Variants in PRKN observed in about 807,000 individuals in gnomAD.
The protein encoded by PRKN is parkin RBR E3 ubiquitin protein ligase, also known as E3 ubiquitin-protein ligase parkin.
A neutral mutation model predicts 59.5 loss-of-function variants in PRKN; 56 were observed. That is an observed-to-expected ratio of 0.94 (90% CI 0.76 to 1.18). The LOEUF (loss-of-function observed/expected upper bound fraction) is 1.18, where lower values mean the gene tolerates loss of function less well. PRKN is among the 50% of genes most tolerant of loss of function. The pLI, the probability that PRKN is intolerant of heterozygous loss-of-function variation, is 0.00. For synonymous variants in PRKN, 250 were observed against 222.1 expected (o/e 1.13, Z -1.12); for missense variants, 657 against 596.4 (o/e 1.10, Z -1.06).
chr6:162,388,650 C>T (rs1382804298), intron 2 of PRKN, among the ~76,000 whole-genome samples: 2 of 152,096 alleles, frequency 1.3e-5, no homozygotes, highest in Non-Finnish European at 2.9e-5. Flanking sequence ...GTCTTAACAA[C>T]ACTGCTGCCA....
In PRKN at chr6:162,594,604, T is replaced by C. The variant is rs117765240; in HGVS notation, c.7+133058A>G. 2.8e-3 allele frequency among the ~76,000 whole-genome samples: 431 copies of C among 152,316 alleles called. 2 individuals carry two copies. The highest frequency in any genetic ancestry group is 4.6e-3 in the Non-Finnish European group (310 of 68,036). ...TGACTTGCATGGTAACTGAATTACA[T>C]AGGCTAGTTTATTAGCTAGACCACT... On this transcript the variant is annotated intron_variant, in intron 1 of 11. Coordinates refer to ENST00000366898, the MANE Select transcript of PRKN (RefSeq NM_004562.3).
At chr6:161,895,574 A>G (rs12175647) in intron 6 of PRKN, among the ~76,000 whole-genome samples, 524 of 29,942 alleles carry the variant, frequency 0.018, 8 homozygotes, top group East Asian at 0.049. Flanking sequence ...CTGCCGTTAT[A>G]CACCCCAGTG....
chr6:162,593,669 G>C (rs1387316148), intron 1 of PRKN, among the ~76,000 whole-genome samples: 1 of 152,166 alleles, frequency 6.6e-6, no homozygotes, highest in Non-Finnish European at 1.5e-5. Context: ...CCAGGAGCCA[G>C]CGGGCCCAGA....
intron 4 of PRKN, among the ~76,000 whole-genome samples, chr6:162,174,821 T>C (rs1374278927): frequency 2.6e-5 from 4 of 152,208 alleles, no homozygotes; most frequent in African/African-American, 9.6e-5. Flanking sequence ...CAGAAAGTCA[T>C]TGTGTCCCTC....
chr6:161,675,342 G>A (rs1012814331), intron 7 of PRKN, among the ~76,000 whole-genome samples: 8 of 152,244 alleles, frequency 5.3e-5, no homozygotes, highest in African/African-American at 1.4e-4. Context: ...TGAGTGCCCA[G>A]TACTAGATCC....
In PRKN at chr6:161,550,724, TGTGTGTGTGTGCAC is replaced by T. The variant is rs1359491833; in HGVS notation, c.934-1735_934-1722del. On this transcript the variant is annotated intron_variant, in intron 8 of 11. Coordinates refer to ENST00000366898, the MANE Select transcript of PRKN (RefSeq NM_004562.3). The surrounding 1 kb of genome is among the most constrained non-coding windows in gnomAD (Gnocchi z 4.0). ...GACAACTGTGGTAGAAGAAAGGGTA[TGTGTGTGTGTGCAC>T]GTGTGTGTGTGTGTGTGTGTGTGTA... 1.1e-4 allele frequency among the ~76,000 whole-genome samples: 13 copies of T among 121,980 alleles called. No homozygotes were observed. Among genetic ancestry groups the T allele is most frequent in the Admixed American group, 1.0e-3 (13 of 12,780 alleles). The allele number at this position is 121,980 out of a possible 152,430, so 80.0% of individuals were successfully genotyped here.
intron 4 of PRKN, among the ~76,000 whole-genome samples, chr6:162,146,949 T>C (rs1179115680): frequency 6.6e-6 from 1 of 151,942 alleles, no homozygotes; most frequent in Non-Finnish European, 1.5e-5. Flanking sequence ...CAGGCTGGTT[T>C]CAAACTCCTG....
At chr6:161,666,419 C>T (rs1367210183) in intron 7 of PRKN, among the ~76,000 whole-genome samples, 2 of 152,194 alleles carry the variant, frequency 1.3e-5, no homozygotes. Context: ...GGAACAGTTT[C>T]ATCTGCAACC....
chr6:162,371,779 G>T (rs1357246181), intron 2 of PRKN, among the ~76,000 whole-genome samples: 9 of 152,106 alleles, frequency 5.9e-5, no homozygotes, highest in Non-Finnish European at 8.8e-5. Flanking sequence ...CCAACAAATT[G>T]GGTAATTGTA....
intron 11 of PRKN, among the ~76,000 whole-genome samples, chr6:161,358,715 C>T (rs1784859523): frequency 6.6e-6 from 1 of 151,982 alleles, no homozygotes; most frequent in Non-Finnish European, 1.5e-5. Flanking sequence ...CTTTCCCTCC[C>T]ACTTCCCAGT....
chr6:161,740,397 C>T (rs1788138659), intron 7 of PRKN, among the ~76,000 whole-genome samples: 1 of 152,190 alleles, frequency 6.6e-6, no homozygotes, highest in Admixed American at 6.5e-5. Context: ...CTCGTTACTG[C>T]TACTTGCCCT....
chr6:161,646,245 C>T (rs113839592), intron 7 of PRKN, among the ~76,000 whole-genome samples: 3 of 49,564 alleles, frequency 6.1e-5, no homozygotes, highest in Admixed American at 1.7e-4. Flanking sequence ...GCGTGCGTGG[C>T]GGAGGAGGTG....
chr6:162,268,614 T>C (rs1780238032), intron 2 of PRKN, among the ~76,000 whole-genome samples: 1 of 152,208 alleles, frequency 6.6e-6, no homozygotes, highest in Non-Finnish European at 1.5e-5. Flanking sequence ...TACAGATTAC[T>C]TATTGTGGTT....
chr6:161,753,198 G>T (rs1788766748), intron 7 of PRKN, among the ~76,000 whole-genome samples: 1 of 152,140 alleles, frequency 6.6e-6, no homozygotes, highest in Non-Finnish European at 1.5e-5. Context: ...TAATGCTGAT[G>T]AAGAGTTGCA....
intron 2 of PRKN, among the ~76,000 whole-genome samples, chr6:162,410,397 C>A (rs1788295163): frequency 6.6e-6 from 1 of 152,130 alleles, no homozygotes; most frequent in East Asian, 1.9e-4. Flanking sequence ...CACTGAAAAA[C>A]AGCTAACGAT....
In PRKN at chr6:161,769,228, G is replaced by A. The variant is rs1286881209; in HGVS notation, c.871+16544C>T. Among the ~76,000 whole-genome samples the A allele has an allele frequency of 3.3e-5, 5 of 152,134 alleles. 1 individual carries two copies. The highest frequency in any genetic ancestry group is 7.2e-5 in the African/African-American group (3 of 41,430). On this transcript the variant is annotated intron_variant, in intron 7 of 11. Transcript: ENST00000366898. ...GCTTCAGGTTTCCCGTGTGAGTCAC[G>A]CGTTTCTAGAATGCATTCTAAAACT...
At chr6:162,570,902 C>A (rs558426574) in intron 1 of PRKN, among the ~76,000 whole-genome samples, 2 of 152,236 alleles carry the variant, frequency 1.3e-5, no homozygotes, top group East Asian at 3.9e-4. Flanking sequence ...TCAATAATAA[C>A]TTAATTGTGT....
chr6:162,549,639 CTTTTT>C (rs10553695), intron 1 of PRKN, among the ~76,000 whole-genome samples: 10 of 122,572 alleles, frequency 8.2e-5, no homozygotes, highest in Admixed American at 8.5e-5. Flanking sequence ...ATGCGATAAT[CTTTTT>C]TTTTTTTTTT....
At chr6:161,858,633 C>A (rs866623274) in intron 6 of PRKN, among the ~76,000 whole-genome samples, 1 of 150,010 alleles carries the variant, frequency 6.7e-6, no homozygotes, top group Non-Finnish European at 1.5e-5. Context: ...ACTTTCTGTT[C>A]CAGAGTGAGC....
Sources: gnomAD v4.1 joint callset for allele counts (sites outside exome capture counted in the v4.1 genomes callset) on GRCh38, gnomAD v4.1.1 for gene constraint, Gnocchi (gnomAD v3.1) non-coding constraint, MANE v1.5 for transcripts, NCBI Gene and HGNC (gene_info 2026-07-23, HGNC 2026-07-21) for gene names.